The following CLXN variants were observed in gnomAD, a reference collection of about 807,000 sequenced individuals.
CLXN encodes the protein EF-hand calcium binding domain 1.
At chr8:48,713,779 G>T in the CLXN span, 1 of 152,142 alleles carries the variant, frequency 6.6e-6, no homozygotes, top group Non-Finnish European at 1.5e-5. Flanking sequence ...TGCAGGCCTG[G>T]TTTCTTACAA....
At chr8:48,725,722 T>G in the CLXN span, among the ~76,000 whole-genome samples, 2 of 152,100 alleles carry the variant, frequency 1.3e-5, no homozygotes, top group African/African-American at 4.8e-5. Flanking sequence ...GAGAATCACT[T>G]GAACCTGGGA....
chr8:48,734,327 GGC>G, the CLXN span, among the ~76,000 whole-genome samples: 1 of 152,082 alleles, frequency 6.6e-6, no homozygotes, highest in African/African-American at 2.4e-5. Flanking sequence ...CCATACCCAC[GGC>G]TTCCTTGCTA....
chr8:48,712,598 T>C, the CLXN span, among the ~76,000 whole-genome samples: 1 of 152,246 alleles, frequency 6.6e-6, no homozygotes, highest in South Asian at 2.1e-4. Context: ...GTCAGTGAGC[T>C]GCTGCCTGGG....
the CLXN span, among the ~76,000 whole-genome samples, chr8:48,727,716 C>G: frequency 6.6e-6 from 1 of 152,088 alleles, no homozygotes; most frequent in African/African-American, 2.4e-5. Flanking sequence ...AGGGGCCTGG[C>G]AGCATTTGCA....
At chr8:48,731,374 A>G in the CLXN span, 1 of 1,612,630 alleles carries the variant, frequency 6.2e-7, no homozygotes, top group Non-Finnish European at 8.5e-7. Context: ...GTCATCTGTC[A>G]TTCCAAATGT....
the CLXN span, among the ~76,000 whole-genome samples, chr8:48,720,607 C>T: frequency 3.3e-5 from 5 of 152,180 alleles, no homozygotes; most frequent in African/African-American, 7.2e-5. Flanking sequence ...CAAGACAATA[C>T]GTGCACCACT....
the CLXN span, among the ~76,000 whole-genome samples, chr8:48,732,976 T>C: frequency 6.6e-6 from 1 of 152,100 alleles, no homozygotes; most frequent in Non-Finnish European, 1.5e-5. Flanking sequence ...ATTTAATGGG[T>C]AGAGTTTCCA....
At chr8:48,716,972 G>C in the CLXN span, among the ~76,000 whole-genome samples, 1 of 152,098 alleles carries the variant, frequency 6.6e-6, no homozygotes, top group Non-Finnish European at 1.5e-5. Context: ...AGAGGACCAG[G>C]CTGACCAATA....
the CLXN span, among the ~76,000 whole-genome samples, chr8:48,726,044 C>A: frequency 3.4e-5 from 5 of 148,676 alleles, no homozygotes; most frequent in Non-Finnish European, 7.5e-5. Context: ...TCTACCCACC[C>A]ACCTACCTCG....
chr8:48,729,259 TCAGGC>T, the CLXN span: 1 of 852,590 alleles, frequency 1.2e-6, no homozygotes, highest in Non-Finnish European at 1.8e-6. Context: ...GGATGGTGGC[TCAGGC>T]CTGTAATCAT....
At chr8:48,730,031 C>T in the CLXN span, 1 of 509,618 alleles carries the variant, frequency 2.0e-6, no homozygotes, top group South Asian at 5.1e-5. Flanking sequence ...AGGATATATA[C>T]AATAATCCTT....
At chr8:48,729,110 A>G in the CLXN span, 2 of 1,613,648 alleles carry the variant, frequency 1.2e-6, no homozygotes, top group Non-Finnish European at 1.7e-6. Context: ...GCCAGTTCAT[A>G]GTCTGCAAAA....
the CLXN span, among the ~76,000 whole-genome samples, chr8:48,728,110 C>T: frequency 6.6e-6 from 1 of 152,088 alleles, no homozygotes; most frequent in African/African-American, 2.4e-5. Context: ...GTTTCTATAT[C>T]ACATCACACT....
At chr8:48,730,651 GGA>G in the CLXN span, 1 of 1,568,778 alleles carries the variant, frequency 6.4e-7, no homozygotes, top group Non-Finnish European at 8.8e-7. Context: ...AATACTAAAG[GGA>G]GAGAGGTTAA....
chr8:48,711,775 T>C, the CLXN span: 1 of 152,226 alleles, frequency 6.6e-6, no homozygotes, highest in Non-Finnish European at 1.5e-5. Flanking sequence ...GCATTAGAAC[T>C]AGATAAGGTC....
the CLXN span, chr8:48,735,192 G>A: frequency 6.2e-7 from 1 of 1,611,642 alleles, no homozygotes; most frequent in Non-Finnish European, 8.5e-7. Flanking sequence ...GGGGTCTCTG[G>A]GCGCGCGGCT....
At chr8:48,717,957 A>G in the CLXN span, among the ~76,000 whole-genome samples, 1 of 152,210 alleles carries the variant, frequency 6.6e-6, no homozygotes, top group Non-Finnish European at 1.5e-5. Flanking sequence ...AAAACAATAA[A>G]CAAAATGGCA....
the CLXN span, among the ~76,000 whole-genome samples, chr8:48,720,269 C>T: frequency 6.6e-6 from 1 of 152,260 alleles, no homozygotes; most frequent in African/African-American, 2.4e-5. Context: ...GGTCTGACTG[C>T]CTGCGGGGTC....
the CLXN span, chr8:48,734,948 G>T: frequency 1.1e-6 from 1 of 899,406 alleles, no homozygotes; most frequent in Non-Finnish European, 1.7e-6. Flanking sequence ...TCTGACTTCT[G>T]CTTAAGGGGC....
Sources: allele counts gnomAD v4.1 joint callset (sites outside exome capture counted in the v4.1 genomes callset), GRCh38; gene constraint gnomAD v4.1.1; transcripts MANE v1.5; gene names NCBI Gene and HGNC (gene_info 2026-07-23, HGNC 2026-07-21).